The following HDAC4 variants were observed in gnomAD, a reference collection of about 807,000 sequenced individuals.
HDAC4 encodes histone deacetylase A.
A neutral mutation model predicts 135.1 loss-of-function variants in HDAC4; 16 were observed. The observed-to-expected ratio is 0.12, with a 90% CI of 0.08 to 0.18. HDAC4 has a LOEUF of 0.18. HDAC4 is among the 10% of genes least tolerant of loss of function. HDAC4 has a pLI of 1.00. For missense variants in HDAC4, 1,143 were observed against 1,511.8 expected, an observed-to-expected ratio of 0.76 and a Z score of 4.05; for synonymous variants, 685 against 653.4, an observed-to-expected ratio of 1.05 and a Z score of -0.74.
intron 2 of HDAC4, among the ~76,000 whole-genome samples, chr2:239,350,625 T>C (rs1281179279): frequency 6.6e-6 from 1 of 152,044 alleles, no homozygotes; most frequent in Admixed American, 6.6e-5. Context: ...TGCCTGAGCC[T>C]CCTGGGTAGC....
chr2:239,149,244 T>C (rs1220164483), intron 7 of HDAC4, among the ~76,000 whole-genome samples: 2 of 151,724 alleles, frequency 1.3e-5, no homozygotes, highest in African/African-American at 2.4e-5. Flanking sequence ...CTACTAAAAA[T>C]ACAAAAATTA....
chr2:239,067,199 G>A (rs949235070), intron 23 of HDAC4, among the ~76,000 whole-genome samples: 11 of 152,164 alleles, frequency 7.2e-5, no homozygotes, highest in African/African-American at 2.2e-4. Context: ...GTGGCCCAGC[G>A]GGCTCTGGTT....
chr2:239,074,110 G>A (rs1003044322), intron 22 of HDAC4, among the ~76,000 whole-genome samples: 16 of 152,156 alleles, frequency 1.1e-4, no homozygotes, highest in Non-Finnish European at 5.9e-5. Context: ...AGGACTGAGG[G>A]GGCCGCCCTC....
chr2:239,144,744 A>G (rs1291268660), intron 7 of HDAC4, 30 bp from the exon 8 acceptor site: 3 of 1,613,160 alleles, frequency 1.9e-6, no homozygotes, highest in Non-Finnish European at 2.5e-6. Context: ...CATTACAGCC[A>G]GGCAGACACC....
intron 5 of HDAC4, among the ~76,000 whole-genome samples, chr2:239,165,630 C>T (rs2043080287): frequency 6.6e-6 from 1 of 152,198 alleles, no homozygotes; most frequent in Non-Finnish European, 1.5e-5. Context: ...CATCCCCCGA[C>T]TGTGGATGGA....
intron 3 of HDAC4, among the ~76,000 whole-genome samples, chr2:239,232,155 A>C (rs1373948293): frequency 6.6e-6 from 1 of 152,236 alleles, no homozygotes; most frequent in Non-Finnish European, 1.5e-5. Context: ...AACACCCACC[A>C]CTTTAGTGAT....
At chr2:239,195,788 T>C (rs890951602) in intron 3 of HDAC4, among the ~76,000 whole-genome samples, 1 of 152,240 alleles carries the variant, frequency 6.6e-6, no homozygotes, top group Non-Finnish European at 1.5e-5. Flanking sequence ...ATCAGACTCC[T>C]GACGTCAGTG....
chr2:239,209,343 GGAA>G (rs1322236930), intron 3 of HDAC4, among the ~76,000 whole-genome samples: 4 of 152,200 alleles, frequency 2.6e-5, no homozygotes, highest in African/African-American at 2.4e-5. Context: ...AAAACTACAT[GGAA>G]GAAGAACTGA....
At chr2:239,283,728 G>A (rs773436724) in intron 2 of HDAC4, among the ~76,000 whole-genome samples, 2 of 152,216 alleles carry the variant, frequency 1.3e-5, no homozygotes, top group South Asian at 2.1e-4. Flanking sequence ...CAGCAGTGCC[G>A]GCCACCACGG....
intron 1 of HDAC4, among the ~76,000 whole-genome samples, chr2:239,366,953 C>T (rs961761542): frequency 7.1e-6 from 1 of 141,488 alleles, no homozygotes; most frequent in Admixed American, 6.7e-5. Context: ...GTAGCTTCAC[C>T]AACAACGGGC....
intron 2 of HDAC4, among the ~76,000 whole-genome samples, chr2:239,346,632 ACT>A (rs143034679): frequency 0.25 from 38,206 of 150,018 alleles, 5,497 homozygotes; most frequent in Non-Finnish European, 0.34. Flanking sequence ...ACACACACAC[ACT>A]CTGTCTAAAA....
At chr2:239,388,277 C>G (rs1695959435) in intron 1 of HDAC4, among the ~76,000 whole-genome samples, 1 of 152,244 alleles carries the variant, frequency 6.6e-6, no homozygotes, top group South Asian at 2.1e-4. Flanking sequence ...AAACTGACCA[C>G]TGTGGCTCTC....
intron 5 of HDAC4, among the ~76,000 whole-genome samples, chr2:239,165,159 G>A (rs764599115): frequency 6.6e-6 from 1 of 152,112 alleles, no homozygotes; most frequent in African/African-American, 2.4e-5. Flanking sequence ...GGAAGTCCAG[G>A]CTACAGTGAA....
At chr2:239,182,791 C>T (rs560888899) in intron 4 of HDAC4, among the ~76,000 whole-genome samples, 17 of 152,156 alleles carry the variant, frequency 1.1e-4, no homozygotes, top group Admixed American at 7.2e-4. Flanking sequence ...TCGGCATGCT[C>T]GGAAAATGCT....
At chr2:239,168,182 C>A (rs1028179126) in intron 5 of HDAC4, among the ~76,000 whole-genome samples, 3 of 152,222 alleles carry the variant, frequency 2.0e-5, no homozygotes, top group African/African-American at 7.2e-5. Context: ...CCTTTCACGT[C>A]ATTTTTACAC....
rs78512611 is a variant in HDAC4, at chr2:239,166,528, G to A, written c.491-2605C>T. Among the ~76,000 whole-genome samples, 517 of 152,228 alleles carry A rather than the reference G, an allele frequency of 3.4e-3. 1 individual carries two copies. Among genetic ancestry groups the A allele is most frequent in the East Asian group, 0.016 (81 of 5,184 alleles). ...GGAGGGATGCTTTTTCAGGGCACCC[G>A]GCGTTAGACTCGAACATCACTTAGA... On this transcript the variant is annotated intron_variant, in intron 5 of 26. Transcript: ENST00000543185.
At chr2:239,280,593 T>C (rs1176720327) in intron 2 of HDAC4, among the ~76,000 whole-genome samples, 1 of 152,072 alleles carries the variant, frequency 6.6e-6, no homozygotes, top group East Asian at 1.9e-4. Context: ...GCAGGTGCAT[T>C]GTGGCCTCTG....
chr2:239,266,484 G>C (rs1166164976), intron 2 of HDAC4, among the ~76,000 whole-genome samples: 1 of 152,218 alleles, frequency 6.6e-6, no homozygotes, highest in Non-Finnish European at 1.5e-5. Context: ...TTCCAGAGGT[G>C]CCTCCGGGGC....
intron 7 of HDAC4, among the ~76,000 whole-genome samples, chr2:239,148,247 C>G (rs1220298724): frequency 6.6e-6 from 1 of 151,920 alleles, no homozygotes; most frequent in Non-Finnish European, 1.5e-5. Flanking sequence ...GACAAGAGGA[C>G]AAAAACTAAA....
Sources: allele counts gnomAD v4.1 joint callset (sites outside exome capture counted in the v4.1 genomes callset), GRCh38; gene constraint gnomAD v4.1.1; transcripts MANE v1.5; gene names NCBI Gene and HGNC (gene_info 2026-07-23, HGNC 2026-07-21).